The following TMEM170B variants were observed in gnomAD, a reference collection of about 807,000 sequenced individuals.
TMEM170B encodes transmembrane protein 170B.
In TMEM170B, 6 loss-of-function variants were observed where a neutral mutation model predicts 13.0. The observed-to-expected ratio is 0.46, with a 90% CI of 0.25 to 0.91. TMEM170B has a LOEUF of 0.91. Ranked by LOEUF, TMEM170B falls within the 40% of genes least tolerant of loss-of-function variation. TMEM170B has a pLI of 0.17. For synonymous variants in TMEM170B, 61 were observed against 64.9 expected, an observed-to-expected ratio of 0.94 and a Z score of 0.29; for missense variants, 138 against 165.2, an observed-to-expected ratio of 0.84 and a Z score of 0.90.
At chr6:11,554,590 T>G (rs1481484401) in intron 1 of TMEM170B, among the ~76,000 whole-genome samples, 1 of 152,138 alleles carries the variant, frequency 6.6e-6, no homozygotes, top group African/African-American at 2.4e-5. Context: ...GATATTTTGA[T>G]TGGTTTTAAT....
chr6:11,543,117 A>T (rs903622361), intron 1 of TMEM170B, among the ~76,000 whole-genome samples: 2 of 151,996 alleles, frequency 1.3e-5, no homozygotes, highest in Admixed American at 1.3e-4. Context: ...ACATATTTTT[A>T]TTATGTTTTT....
chr6:11,557,199 C>T (rs1281471487), intron 1 of TMEM170B, among the ~76,000 whole-genome samples: 1 of 152,236 alleles, frequency 6.6e-6, no homozygotes, highest in Non-Finnish European at 1.5e-5. Context: ...GCATCCTCAC[C>T]TCACTAATGA....
At chr6:11,571,814 A>G (rs573810247) in intron 2 of TMEM170B, among the ~76,000 whole-genome samples, 9 of 152,276 alleles carry the variant, frequency 5.9e-5, no homozygotes, top group Non-Finnish European at 8.8e-5. Context: ...TCTAGACTAT[A>G]TATTTTTTAA....
intron 1 of TMEM170B, among the ~76,000 whole-genome samples, chr6:11,561,458 C>G (rs1002146419): frequency 6.6e-6 from 1 of 152,126 alleles, no homozygotes; most frequent in Non-Finnish European, 1.5e-5. Flanking sequence ...TGCTTTTGCT[C>G]TAGTCCTTAG....
At chr6:11,547,056 TA>T (rs1429124058) in intron 1 of TMEM170B, among the ~76,000 whole-genome samples, 1 of 152,240 alleles carries the variant, frequency 6.6e-6, no homozygotes, top group Non-Finnish European at 1.5e-5. Flanking sequence ...CGATAGTGGG[TA>T]ACTGTAATTG....
At chr6:11,540,336 G>A (rs976041691) in intron 1 of TMEM170B, among the ~76,000 whole-genome samples, 1 of 152,118 alleles carries the variant, frequency 6.6e-6, no homozygotes, top group Non-Finnish European at 1.5e-5. Context: ...ACCCTGCTGC[G>A]GCTTTATCAA....
At position 11,578,212 on chromosome 6, in the gene TMEM170B, T is replaced by C. The variant is rs957239318; in HGVS notation, c.*2651T>C. On this transcript the variant is annotated 3_prime_UTR_variant, in exon 3 of 3. Coordinates refer to ENST00000379426, the MANE Select transcript of TMEM170B (RefSeq NM_001100829.3). ...TTTTGGGAAAATTTTCTTCACTTAA[T>C]AGAGCTGGAGACCCTTGTTTGGGAC... 1 of 152,144 alleles carries C rather than the reference T, an allele frequency of 6.6e-6. No homozygotes were observed. Among genetic ancestry groups the C allele is most frequent in the Non-Finnish European group, 1.5e-5 (1 of 67,990 alleles). 9.4% of individuals were successfully genotyped at this position (152,144 alleles called of 1,614,324 possible).
chr6:11,566,064 A>G (rs987615026), intron 2 of TMEM170B, among the ~76,000 whole-genome samples: 2 of 152,228 alleles, frequency 1.3e-5, no homozygotes, highest in Non-Finnish European at 2.9e-5. Flanking sequence ...TTTGAGGGAA[A>G]TAGAAAAATT....
chr6:11,556,872 A>C (rs1368693258), intron 1 of TMEM170B, among the ~76,000 whole-genome samples: 2 of 152,162 alleles, frequency 1.3e-5, no homozygotes, highest in East Asian at 3.8e-4. Context: ...AAGGGTCGCA[A>C]GAAACAAGAT....
At chr6:11,571,512 G>T (rs12207526) in intron 2 of TMEM170B, among the ~76,000 whole-genome samples, 6,395 of 152,122 alleles carry the variant, frequency 0.042, 179 homozygotes, top group East Asian at 0.16. Flanking sequence ...TGGCAGTATT[G>T]CTTTCTCCAC....
chr6:11,572,686 A>G (rs1023596021), intron 2 of TMEM170B, among the ~76,000 whole-genome samples: 1 of 152,122 alleles, frequency 6.6e-6, no homozygotes, highest in African/African-American at 2.4e-5. Context: ...CTTTTGACCA[A>G]CACTCTCAAA....
chr6:11,546,986 G>A (rs894182266), intron 1 of TMEM170B, among the ~76,000 whole-genome samples: 1 of 152,200 alleles, frequency 6.6e-6, no homozygotes, highest in Non-Finnish European at 1.5e-5. Flanking sequence ...TTATATGAAT[G>A]CGGTCTCTCG....
At chr6:11,555,729 T>A (rs193069690) in intron 1 of TMEM170B, among the ~76,000 whole-genome samples, 1 of 152,304 alleles carries the variant, frequency 6.6e-6, no homozygotes, top group Admixed American at 6.5e-5. Context: ...TTATAAAGTC[T>A]CTGTCTGGTT....
chr6:11,557,934 G>A (rs1759611568), intron 1 of TMEM170B, among the ~76,000 whole-genome samples: 1 of 152,046 alleles, frequency 6.6e-6, no homozygotes, highest in African/African-American at 2.4e-5. Flanking sequence ...TAAAGTGACA[G>A]GGTCTCACTC....
Position 11,575,388 on chromosome 6 carries a change from A to G in TMEM170B, c.269-43A>G. 1.2e-6 allele frequency: 2 copies of G among 1,611,734 alleles called. No homozygotes were observed. The highest frequency in any genetic ancestry group is 2.2e-5 in the East Asian group (1 of 44,854). On this transcript the variant is annotated intron_variant, in intron 2 of 2. Transcript: ENST00000379426. The surrounding 1 kb of genome is among the most constrained non-coding windows in gnomAD (Gnocchi z 4.1). The stretch of plus-strand genomic sequence containing the variant: ...GGTGCAGCATGCAGTGTGTTATAAA[A>G]CGAGTGACTGTATCCCTTCATTTTT...
rs1005606376 is a variant in TMEM170B, at chr6:11,582,480, A to C, written c.*6919A>C. 4.6e-5 allele frequency: 7 copies of C among 152,182 alleles called. No homozygotes were observed. Among genetic ancestry groups the C allele is most frequent in the African/African-American group, 1.7e-4 (7 of 41,452 alleles). The allele number at this position is 152,182 out of a possible 1,614,324, so 9.4% of individuals were successfully genotyped here. A position where few individuals can be genotyped will look rare whatever the true frequency, so the allele number is the denominator to read the frequency against. ...ATGGTTCAATGTAAATCAGTTACTT[A>C]GTCATTGACTGTGACAGATGACAGC... On this transcript the variant is annotated 3_prime_UTR_variant, in exon 3 of 3. Transcript: ENST00000379426.
intron 2 of TMEM170B, among the ~76,000 whole-genome samples, chr6:11,571,338 T>G (rs1031763932): frequency 2.0e-5 from 3 of 152,110 alleles, no homozygotes; most frequent in Non-Finnish European, 4.4e-5. Flanking sequence ...GGCTATCATT[T>G]GCTTTCTGTC....
intron 1 of TMEM170B, among the ~76,000 whole-genome samples, chr6:11,558,046 A>C (rs1759613112): frequency 6.6e-6 from 1 of 152,146 alleles, no homozygotes; most frequent in African/African-American, 2.4e-5. Context: ...AGTAGCTGGG[A>C]CTATGGGCTT....
In TMEM170B at chr6:11,538,318, C is replaced by T; in HGVS notation, c.41C>T (p.Ser14Leu). 1 of 1,492,318 alleles carries T rather than the reference C, an allele frequency of 6.7e-7. No individual in the cohort carries two copies. Among genetic ancestry groups the T allele is most frequent in the African/African-American group, 1.4e-5 (1 of 69,108 alleles). The allele number at this position is 1,492,318 out of a possible 1,614,324, so 92.4% of individuals were successfully genotyped here. Reference protein sequence around the residue: ...EGGDHSMINLSVQQVLSLWAH... With the variant: ...EGGDHSMINLLVQQVLSLWAH... ...GGCGACCACTCCATGATCAACCTGT[C>T]GGTGCAGCAGGTCCTGAGCCTCTGG... Residue 14 changes from serine (S) to leucine (L), a missense_variant, in exon 1 of 3, where the codon TCG becomes TTG. By Grantham distance (145) the Ser-to-Leu change is moderately radical. Coordinates refer to ENST00000379426, the MANE Select transcript of TMEM170B (RefSeq NM_001100829.3).
Sources: gnomAD v4.1 joint callset for allele counts (sites outside exome capture counted in the v4.1 genomes callset) on GRCh38, gnomAD v4.1.1 for gene constraint, Gnocchi (gnomAD v3.1) non-coding constraint, MANE v1.5 for transcripts, NCBI Gene and HGNC (gene_info 2026-07-23, HGNC 2026-07-21) for gene names.